Variants in NEK5 observed in about 807,000 individuals in gnomAD.
The protein encoded by NEK5 is NIMA related kinase 5.
A neutral mutation model predicts 109.2 loss-of-function variants in NEK5; 88 were observed. The ratio of observed to expected loss-of-function variants is 0.81; its 90% CI spans 0.68 to 0.96. NEK5 has a LOEUF of 0.96. Among genes scored for constraint, NEK5 ranks in the 40% least tolerant of loss-of-function variants. The pLI, the probability that NEK5 is intolerant of heterozygous loss-of-function variation, is 0.00. For synonymous variants in NEK5, 283 were observed against 299.9 expected (o/e 0.94, Z 0.58); for missense variants, 834 against 920.7 (o/e 0.91, Z 1.22).
At chr13:52,051,999 A>G (rs900464686) in intron 22 of NEK5, among the ~76,000 whole-genome samples, 2 of 152,202 alleles carry the variant, frequency 1.3e-5, no homozygotes, top group Non-Finnish European at 2.9e-5. Context: ...TCACTGAGCC[A>G]GACTAAATTG....
chr13:52,084,220 G>A (rs1482220390), intron 16 of NEK5, among the ~76,000 whole-genome samples: 2 of 152,082 alleles, frequency 1.3e-5, no homozygotes, highest in African/African-American at 4.8e-5. Flanking sequence ...AGAAAGAATA[G>A]TGGTTATAAT....
chr13:52,126,692 T>C (rs1410336317), intron 3 of NEK5, among the ~76,000 whole-genome samples: 1 of 152,092 alleles, frequency 6.6e-6, no homozygotes, highest in Non-Finnish European at 1.5e-5. Flanking sequence ...AGTGGGAGAA[T>C]TGCTTGAATC....
intron 23 of NEK5, among the ~76,000 whole-genome samples, chr13:52,043,603 T>A (rs988123964): frequency 7.3e-5 from 11 of 150,606 alleles, no homozygotes; most frequent in Admixed American, 7.3e-4. Context: ...AATACATTAG[T>A]CAGAAATTTC....
At chr13:52,047,525 T>A (rs904839768) in intron 23 of NEK5, among the ~76,000 whole-genome samples, 2 of 152,130 alleles carry the variant, frequency 1.3e-5, no homozygotes, top group African/African-American at 4.8e-5. Flanking sequence ...TGGGACGTAT[T>A]TTAAAAGTAA....
chr13:52,108,128 G>A (rs768789657), intron 8 of NEK5, among the ~76,000 whole-genome samples, 190 bp downstream of exon 8: 1 of 151,976 alleles, frequency 6.6e-6, no homozygotes, highest in Non-Finnish European at 1.5e-5. Flanking sequence ...TCTGCATCTC[G>A]TATTGGACCG....
At chr13:52,084,734 T>TGA (rs1170629594) in intron 16 of NEK5, among the ~76,000 whole-genome samples, 2,852 of 108,038 alleles carry the variant, frequency 0.026, 48 homozygotes, top group Non-Finnish European at 0.029. Context: ...AGAGAGAGAG[T>TGA]GAGAGAGAGA....
At chr13:52,067,141 G>A (rs1467110862) in intron 20 of NEK5, among the ~76,000 whole-genome samples, 1 of 151,980 alleles carries the variant, frequency 6.6e-6, no homozygotes, top group Non-Finnish European at 1.5e-5. Context: ...TTGACATTTG[G>A]AAATGTAAGT....
At chr13:52,092,554 AC>A in intron 13 of NEK5, among the ~76,000 whole-genome samples, 1 of 152,092 alleles carries the variant, frequency 6.6e-6, no homozygotes, top group South Asian at 2.1e-4. Flanking sequence ...AATTTGAAGA[AC>A]CAACTAACAA....
chr13:52,055,548 A>G (rs146065558), intron 22 of NEK5, among the ~76,000 whole-genome samples: 165 of 152,314 alleles, frequency 1.1e-3, no homozygotes, highest in African/African-American at 3.7e-3. Flanking sequence ...GCAGCCAGAG[A>G]GAAATGTCAG....
intron 21 of NEK5, among the ~76,000 whole-genome samples, chr13:52,064,282 C>G: frequency 7.1e-6 from 1 of 141,382 alleles, no homozygotes; most frequent in South Asian, 2.2e-4. Context: ...AGGGGCGCCT[C>G]TGCCCGGCCG....
chr13:52,072,130 C>A, intron 19 of NEK5, 60 bp from the exon 20 acceptor site: 2 of 1,416,910 alleles, frequency 1.4e-6, no homozygotes, highest in Non-Finnish European at 1.9e-6. Flanking sequence ...AAAGAAAAAC[C>A]ATATTTTCGT....
At chr13:52,118,868 T>G (rs1330837407) in intron 4 of NEK5, among the ~76,000 whole-genome samples, 1 of 152,160 alleles carries the variant, frequency 6.6e-6, no homozygotes, top group Non-Finnish European at 1.5e-5. Flanking sequence ...AGAGCGATAG[T>G]GTGGTGGGCT....
intron 3 of NEK5, among the ~76,000 whole-genome samples, chr13:52,121,240 C>A (rs1268854486): frequency 6.6e-6 from 1 of 151,288 alleles, no homozygotes. Context: ...TTCACTGCAG[C>A]CTCTGCCCAC....
At chr13:52,087,201 G>C (rs1955164858) in intron 15 of NEK5, 137 bp downstream of exon 15, 3 of 500,884 alleles carry the variant, frequency 6.0e-6, no homozygotes, top group Admixed American at 3.0e-5. Context: ...ACCTAACTCT[G>C]TATCCCCTAT....
chr13:52,104,605 A>G (rs34326189), intron 8 of NEK5, 53 bp from the exon 9 acceptor site: 27,735 of 1,279,050 alleles, frequency 0.022, 788 homozygotes, highest in Admixed American at 0.12. Context: ...TTCTTAATAA[A>G]AGCTTTTATC....
At chr13:52,087,816 A>G (rs1036711195) in intron 14 of NEK5, among the ~76,000 whole-genome samples, 8 of 151,860 alleles carry the variant, frequency 5.3e-5, no homozygotes, top group East Asian at 1.9e-4. Flanking sequence ...CAGTAGAGAC[A>G]GGGTTTCACT....
chr13:52,043,304 T>G (rs775522146), intron 23 of NEK5, among the ~76,000 whole-genome samples: 1 of 151,794 alleles, frequency 6.6e-6, no homozygotes, highest in Non-Finnish European at 1.5e-5. Flanking sequence ...TTTGGGAGGC[T>G]GAGGTGGGTG....
intron 17 of NEK5, among the ~76,000 whole-genome samples, chr13:52,076,606 C>T (rs1472869949): frequency 2.0e-5 from 3 of 152,170 alleles, no homozygotes; most frequent in Non-Finnish European, 4.4e-5. Context: ...ACTCCATATT[C>T]GGAGGTTTCT....
At chr13:52,054,135 T>C (rs1264166843) in intron 22 of NEK5, among the ~76,000 whole-genome samples, 2 of 152,176 alleles carry the variant, frequency 1.3e-5, no homozygotes, top group African/African-American at 4.8e-5. Flanking sequence ...AGCAGTGTCA[T>C]TTGATCAGCA....
Sources: allele counts gnomAD v4.1 joint callset (sites outside exome capture counted in the v4.1 genomes callset), GRCh38; gene constraint gnomAD v4.1.1; transcripts MANE v1.5; gene names NCBI Gene and HGNC (gene_info 2026-07-23, HGNC 2026-07-21).